Variants in CSMD1 observed in about 807,000 individuals in gnomAD.
CSMD1 encodes the protein CUB and Sushi multiple domains 1.
Under a neutral mutation model 417.5 loss-of-function variants are expected in CSMD1, and 213 were observed. The observed-to-expected ratio is 0.51, with a 90% confidence interval of 0.46 to 0.57. CSMD1 has a LOEUF of 0.57. Ranked by LOEUF, CSMD1 falls within the 20% of genes least tolerant of loss-of-function variation. CSMD1 has a pLI of 0.00. For synonymous variants in CSMD1, 2,862 were observed against 1,736.8 expected, an observed-to-expected ratio of 1.65 and a Z score of -16.11; for missense variants, 6,923 against 4,529.7, an observed-to-expected ratio of 1.53 and a Z score of -15.17.
rs114505367 is a variant in CSMD1, at chr8:4,436,567, G to A, written c.303-16502C>T. ...TCACACTGTAAGTTATTTTAAAATT[G>A]ACAGTTACTGTTGATTATATCCATC... On this transcript the variant is annotated intron_variant, in intron 2 of 69. Coordinates refer to ENST00000635120, the MANE Select transcript of CSMD1 (RefSeq NM_033225.6). Among the ~76,000 whole-genome samples the A allele has an allele frequency of 2.2e-3, 335 of 152,178 alleles. 1 individual carries two copies. The highest frequency in any genetic ancestry group is 7.8e-3 in the African/African-American group (323 of 41,520).
At chr8:3,401,370 TATTA>T (rs1379309444) in intron 15 of CSMD1, among the ~76,000 whole-genome samples, 26 of 152,306 alleles carry the variant, frequency 1.7e-4, no homozygotes, top group African/African-American at 2.9e-4. Flanking sequence ...ACTTGCCAAA[TATTA>T]ATTATTTTAT....
At chr8:3,665,914 G>T (rs969329662) in intron 7 of CSMD1, among the ~76,000 whole-genome samples, 1 of 152,094 alleles carries the variant, frequency 6.6e-6, no homozygotes, top group Admixed American at 6.5e-5. Flanking sequence ...GTCGCACTCT[G>T]TCACCCAGGC....
chr8:4,051,308 C>CAAAAAAAAAAAAAAAAAAAAAAAAAAAAA (rs5889012), intron 3 of CSMD1, among the ~76,000 whole-genome samples: 2 of 140,508 alleles, frequency 1.4e-5, no homozygotes, highest in African/African-American at 5.5e-5. Context: ...TTTGAAGACT[C>CAAAAAAAAAAAAAAAAAAAAAAAAAAAAA]AAAAAAAAAA....
intron 3 of CSMD1, among the ~76,000 whole-genome samples, chr8:4,363,324 G>T (rs1301870999): frequency 1.3e-5 from 2 of 152,002 alleles, no homozygotes; most frequent in Admixed American, 6.6e-5. Context: ...TATACTACAG[G>T]TACCCTGCAT....
At chr8:4,106,064 C>T (rs769805619) in intron 3 of CSMD1, among the ~76,000 whole-genome samples, 1 of 152,138 alleles carries the variant, frequency 6.6e-6, no homozygotes, top group Non-Finnish European at 1.5e-5. Context: ...GGGTGCCAGG[C>T]AGGAGAAAGA....
At chr8:4,477,758 A>T (rs1800883611) in intron 2 of CSMD1, among the ~76,000 whole-genome samples, 1 of 152,120 alleles carries the variant, frequency 6.6e-6, no homozygotes, top group Non-Finnish European at 1.5e-5. Context: ...CCTCTTACTC[A>T]CAATACTGTA....
At chr8:3,357,763 A>G (rs1487430147) in intron 21 of CSMD1, among the ~76,000 whole-genome samples, 1 of 151,940 alleles carries the variant, frequency 6.6e-6, no homozygotes, top group African/African-American at 2.4e-5. Flanking sequence ...CCTGCAAAAT[A>G]CCGTATTTTT....
At chr8:3,375,738 G>T (rs183421237) in intron 18 of CSMD1, among the ~76,000 whole-genome samples, 4 of 152,020 alleles carry the variant, frequency 2.6e-5, no homozygotes, top group Admixed American at 2.6e-4. Flanking sequence ...AAAAACCCTG[G>T]GGTCCTCACA....
intron 2 of CSMD1, among the ~76,000 whole-genome samples, chr8:4,635,869 GAA>G (rs1399491908): frequency 3.9e-5 from 6 of 151,928 alleles, no homozygotes; most frequent in Non-Finnish European, 5.9e-5. Context: ...ACCTGTTTCA[GAA>G]AAGAGACGGC....
chr8:3,412,123 C>CAT (rs1491308680), intron 12 of CSMD1, among the ~76,000 whole-genome samples: 1 of 123,974 alleles, frequency 8.1e-6, no homozygotes, highest in Non-Finnish European at 1.6e-5. Context: ...TATATACACA[C>CAT]GTATATATAC....
At chr8:4,032,878 G>T (rs1585171292) in intron 3 of CSMD1, among the ~76,000 whole-genome samples, 1 of 152,082 alleles carries the variant, frequency 6.6e-6, no homozygotes, top group Non-Finnish European at 1.5e-5. Context: ...AACTAGGTCA[G>T]GCCGTGGTGG....
At chr8:3,676,911 C>T (rs13269777) in intron 7 of CSMD1, among the ~76,000 whole-genome samples, 41,784 of 151,764 alleles carry the variant, frequency 0.28, 7,053 homozygotes, top group Admixed American at 0.42. Context: ...GAACAGAAAA[C>T]CAAACACCAC....
chr8:3,467,365 C>G (rs1391978712), intron 12 of CSMD1, among the ~76,000 whole-genome samples: 2 of 152,226 alleles, frequency 1.3e-5, no homozygotes, highest in African/African-American at 4.8e-5. Context: ...CCAAAGGCAG[C>G]AGCAAATGCA....
chr8:3,774,927 T>C lies in CSMD1; in HGVS notation c.819-20885A>G, dbSNP rs527637438. On this transcript the variant is annotated intron_variant, in intron 5 of 69. Transcript: ENST00000635120. The stretch of plus-strand genomic sequence containing the variant: ...TCAATATGGTAACCAAGAAGGCTAC[T>C]GACTGACCAGCGAGACGGGAAACAG... Among the ~76,000 whole-genome samples, 282 of 152,224 alleles carry C rather than the reference T, an allele frequency of 1.9e-3. 1 individual carries two copies. The highest frequency in any genetic ancestry group is 5.4e-3 in the South Asian group (26 of 4,818).
At chr8:4,092,127 TAAGAG>T (rs977509899) in intron 3 of CSMD1, among the ~76,000 whole-genome samples, 23 of 152,206 alleles carry the variant, frequency 1.5e-4, no homozygotes, top group Admixed American at 3.9e-4. Flanking sequence ...ACTTTCTCCT[TAAGAG>T]AAGAAAATTT....
At chr8:3,699,541 T>C (rs1800731829) in intron 7 of CSMD1, among the ~76,000 whole-genome samples, 1 of 152,186 alleles carries the variant, frequency 6.6e-6, no homozygotes. Flanking sequence ...ATCCTCTATT[T>C]CTATGGATTT....
intron 5 of CSMD1, 149 bp from the exon 6 acceptor site, chr8:3,754,191 A>AAACG (rs1414336045): frequency 1.6e-5 from 8 of 502,004 alleles, no homozygotes; most frequent in African/African-American, 1.5e-4. Flanking sequence ...TTGAACCTTA[A>AAACG]AACGATCAAG....
intron 7 of CSMD1, among the ~76,000 whole-genome samples, chr8:3,679,939 G>C (rs889066253): frequency 6.6e-6 from 1 of 151,992 alleles, no homozygotes; most frequent in Non-Finnish European, 1.5e-5. Context: ...ATGACTACTG[G>C]GTACATAACG....
intron 8 of CSMD1, among the ~76,000 whole-genome samples, chr8:3,601,574 C>T (rs1010348425): frequency 5.3e-5 from 8 of 152,120 alleles, no homozygotes; most frequent in African/African-American, 1.9e-4. Context: ...GTTACCTACA[C>T]TAGTCACCAC....
Sources: allele counts gnomAD v4.1 joint callset (sites outside exome capture counted in the v4.1 genomes callset), GRCh38; gene constraint gnomAD v4.1.1; transcripts MANE v1.5; gene names NCBI Gene and HGNC (gene_info 2026-07-23, HGNC 2026-07-21).